LOXHD1: variants seen among roughly 807,000 people sequenced by gnomAD.
LOXHD1 encodes the protein lipoxygenase homology PLAT domains 1.
A neutral mutation model predicts 248.2 loss-of-function variants in LOXHD1; 205 were observed. The observed-to-expected ratio is 0.83, with a 90% CI of 0.74 to 0.93. The LOEUF is 0.93. LOXHD1 is among the 40% of genes least tolerant of loss of function. The pLI is 0.00. For synonymous variants in LOXHD1, 1,113 were observed against 1,162.8 expected (o/e 0.96, Z 0.87); for missense variants, 2,930 against 2,971.6 (o/e 0.99, Z 0.33).
intron 14 of LOXHD1, among the ~76,000 whole-genome samples, chr18:46,577,305 A>G (rs2037876799): frequency 6.6e-6 from 1 of 152,246 alleles, no homozygotes; most frequent in South Asian, 2.1e-4. Context: ...AAAAGAAGTT[A>G]ACAGGGAAGA....
chr18:46,513,591 C>A (rs1411043221), intron 34 of LOXHD1, among the ~76,000 whole-genome samples: 1 of 152,148 alleles, frequency 6.6e-6, no homozygotes. Flanking sequence ...TGGAGTGATG[C>A]AGCACAAGCC....
intron 4 of LOXHD1, among the ~76,000 whole-genome samples, chr18:46,619,309 C>T (rs2038635151): frequency 6.6e-6 from 1 of 152,180 alleles, no homozygotes; most frequent in Non-Finnish European, 1.5e-5. Context: ...CCCCTCTGCC[C>T]ACCTGTTCCC....
At position 46,524,925 on chromosome 18, in the gene LOXHD1, GC is replaced by G. The variant is rs1214835484; in HGVS notation, c.4531-9del. 1.3e-6 allele frequency: 2 copies of G among 1,551,560 alleles called. No individual in the cohort carries two copies. The highest frequency in any genetic ancestry group is 1.7e-6 in the Non-Finnish European group (2 of 1,146,966). ...GATGATGAAGGTGTCAGCCTGGGGA[GC>G]CCAGATGTGGGGACTCATATGGGGG... On this transcript the variant is annotated splice_polypyrimidine_tract_variant and intron_variant, in intron 29 of 40. Transcript: ENST00000642948.
At chr18:46,525,431 C>G (rs886963700) in intron 29 of LOXHD1, among the ~76,000 whole-genome samples, 1 of 151,994 alleles carries the variant, frequency 6.6e-6, no homozygotes, top group African/African-American at 2.4e-5. Context: ...TAAGTCTGGG[C>G]TGCAGGAGAG....
intron 17 of LOXHD1, among the ~76,000 whole-genome samples, chr18:46,565,785 T>C (rs1409574305): frequency 6.6e-6 from 1 of 152,218 alleles, no homozygotes. Context: ...AAAAAGTCTG[T>C]ATATGTTCAG....
chr18:46,612,429 C>T (rs2038522057), intron 5 of LOXHD1, among the ~76,000 whole-genome samples: 1 of 152,118 alleles, frequency 6.6e-6, no homozygotes, highest in Non-Finnish European at 1.5e-5. Context: ...CCAACAGCAT[C>T]TTATTGTAGT....
chr18:46,633,672 T>C (rs2038855978), intron 4 of LOXHD1, among the ~76,000 whole-genome samples: 1 of 151,978 alleles, frequency 6.6e-6, no homozygotes, highest in South Asian at 2.1e-4. Context: ...ATCAACAGAG[T>C]AAAAAGACAA....
intron 34 of LOXHD1, among the ~76,000 whole-genome samples, chr18:46,516,859 A>T (rs2035281319): frequency 1.3e-5 from 2 of 152,018 alleles, no homozygotes; most frequent in South Asian, 4.2e-4. Flanking sequence ...CATCCCTACC[A>T]TCACCTTCAT....
chr18:46,616,166 A>G (rs1346105545), intron 5 of LOXHD1, among the ~76,000 whole-genome samples: 1 of 152,092 alleles, frequency 6.6e-6, no homozygotes, highest in Non-Finnish European at 1.5e-5. Context: ...TTATTAATAC[A>G]TTTGTTTTAC....
chr18:46,499,104 G>A (rs1010294677), intron 37 of LOXHD1, among the ~76,000 whole-genome samples: 1 of 152,160 alleles, frequency 6.6e-6, no homozygotes, highest in Non-Finnish European at 1.5e-5. Context: ...ATATAAATGT[G>A]AATCAAAATT....
At chr18:46,571,515 G>T (rs548323195) in intron 15 of LOXHD1, among the ~76,000 whole-genome samples, 1 of 152,106 alleles carries the variant, frequency 6.6e-6, no homozygotes, top group African/African-American at 2.4e-5. Context: ...CAGCTCTTCC[G>T]GTTCTAAGTT....
chr18:46,585,881 T>C (rs1372892976), intron 12 of LOXHD1, among the ~76,000 whole-genome samples: 1 of 152,240 alleles, frequency 6.6e-6, no homozygotes, highest in Non-Finnish European at 1.5e-5. Flanking sequence ...ACCAAAGAGC[T>C]ACCAAATGAC....
At chr18:46,590,244 CCG>C (rs1599032682) in intron 12 of LOXHD1, among the ~76,000 whole-genome samples, 3 of 152,190 alleles carry the variant, frequency 2.0e-5, no homozygotes, top group Non-Finnish European at 4.4e-5. Context: ...GCCCAGGAAT[CCG>C]TGTTTTAACA....
intron 5 of LOXHD1, 47 bp from the exon 6 acceptor site, chr18:46,610,971 A>G: frequency 6.5e-7 from 1 of 1,543,076 alleles, no homozygotes; most frequent in Non-Finnish European, 8.7e-7. Context: ...ACCAGAAGAA[A>G]AGAATTTCCA....
At chr18:46,478,113 G>GT (rs1490661477) in intron 40 of LOXHD1, among the ~76,000 whole-genome samples, 161 bp from the exon 41 acceptor site, 2 of 152,294 alleles carry the variant, frequency 1.3e-5, no homozygotes, top group Middle Eastern at 3.4e-3. Context: ...ATGGATTCTT[G>GT]TTTAACTTCA....
chr18:46,547,080 G>T, intron 21 of LOXHD1, 22 bp from the exon 22 acceptor site: 11 of 1,551,672 alleles, frequency 7.1e-6, no homozygotes, highest in Non-Finnish European at 9.6e-6. Context: ...GATAGGGAAA[G>T]ATTGGAATGT....
chr18:46,528,468 C>T (rs2035920043), intron 29 of LOXHD1, among the ~76,000 whole-genome samples: 1 of 152,144 alleles, frequency 6.6e-6, no homozygotes, highest in Non-Finnish European at 1.5e-5. Flanking sequence ...TCTGTCAGAG[C>T]TGGAAGAGCC....
At chr18:46,512,519 C>T (rs1478508489) in intron 34 of LOXHD1, among the ~76,000 whole-genome samples, 2 of 152,206 alleles carry the variant, frequency 1.3e-5, no homozygotes, top group Non-Finnish European at 2.9e-5. Context: ...TAGCCAGCTC[C>T]ACATGTGTAA....
At position 46,628,336 on chromosome 18, in the gene LOXHD1, T is replaced by C. The variant is rs116998764; in HGVS notation, c.512-10046A>G. Among the ~76,000 whole-genome samples, 364 of 152,294 alleles carry C rather than the reference T, an allele frequency of 2.4e-3. 8 individuals carry two copies. The East Asian group carries it at 0.045, about 19-fold the overall frequency. On this transcript the variant is annotated intron_variant, in intron 4 of 40. Transcript: ENST00000642948. ...GGGTGGGCGGGGAGCTGCTGTGAGC[T>C]TCAGTGGAGGAAAGTGCTGCAGGGC...
Sources: allele counts gnomAD v4.1 joint callset (sites outside exome capture counted in the v4.1 genomes callset), GRCh38; gene constraint gnomAD v4.1.1; transcripts MANE v1.5; gene names NCBI Gene and HGNC (gene_info 2026-07-23, HGNC 2026-07-21).